Variants in HCRTR2 observed in about 807,000 individuals in gnomAD.
The protein encoded by HCRTR2 is orexin receptor type 2.
In HCRTR2, 22 loss-of-function variants were observed where a neutral mutation model predicts 49.0. The ratio of observed to expected loss-of-function variants is 0.45; its 90% CI spans 0.32 to 0.64. The LOEUF (loss-of-function observed/expected upper bound fraction) is 0.64, where lower values mean the gene tolerates loss of function less well. HCRTR2 is among the 30% of genes least tolerant of loss of function. The pLI is 0.04. For synonymous variants in HCRTR2, 236 were observed against 205.3 expected (o/e 1.15, Z -1.28); for missense variants, 491 against 559.4 (o/e 0.88, Z 1.23).
upstream of HCRTR2, among the ~76,000 whole-genome samples, chr6:55,172,366 A>G (rs1158211533): frequency 6.6e-6 from 1 of 151,604 alleles, no homozygotes; most frequent in Non-Finnish European, 1.5e-5. Flanking sequence ...CGTTTTCCCT[A>G]TGTATTTGTT....
chr6:55,107,658 ATGTT>A (rs143718883), intron 1 of HCRTR2, among the ~76,000 whole-genome samples: 6,555 of 152,212 alleles, frequency 0.043, 161 homozygotes, highest in Non-Finnish European at 0.045. Context: ...GTTTCACAAA[ATGTT>A]TGACTTGCTT....
intron 1 of HCRTR2, among the ~76,000 whole-genome samples, chr6:55,145,237 T>C (rs1256232227): frequency 6.6e-6 from 1 of 152,148 alleles, no homozygotes; most frequent in African/African-American, 2.4e-5. Flanking sequence ...ACTGGTTTCA[T>C]TTTCACCTTA....
chr6:55,279,491 A>C (rs900686782), intron 5 of HCRTR2, among the ~76,000 whole-genome samples: 1 of 148,946 alleles, frequency 6.7e-6, no homozygotes, highest in Admixed American at 6.8e-5. Context: ...TTATACCAGA[A>C]ATGCATTGTT....
At chr6:55,171,920 G>T (rs1195473781), upstream of HCRTR2, among the ~76,000 whole-genome samples, 3 of 152,272 alleles carry the variant, frequency 2.0e-5, no homozygotes, top group African/African-American at 4.8e-5. Context: ...CAAGGAATTT[G>T]CAGATGTTAA....
intron 1 of HCRTR2, among the ~76,000 whole-genome samples, chr6:55,243,929 T>C (rs1766382385): frequency 6.6e-6 from 1 of 152,058 alleles, no homozygotes; most frequent in Admixed American, 6.6e-5. Flanking sequence ...AAGCAGAAAG[T>C]TTTTTATTTT....
chr6:55,161,371 C>T (rs528262987), intron 1 of HCRTR2, among the ~76,000 whole-genome samples: 22 of 151,960 alleles, frequency 1.4e-4, no homozygotes, highest in Admixed American at 3.3e-4. Context: ...AATGCCCACA[C>T]GAGAAAGTGG....
At chr6:55,200,187 GT>G (rs557148444) in intron 1 of HCRTR2, among the ~76,000 whole-genome samples, 50 of 133,304 alleles carry the variant, frequency 3.8e-4, no homozygotes, top group East Asian at 8.9e-4. Flanking sequence ...TTAAAATGTC[GT>G]TTTTTTTTCA....
At chr6:55,176,215 T>C (rs1765037481) in intron 1 of HCRTR2, among the ~76,000 whole-genome samples, 1 of 152,216 alleles carries the variant, frequency 6.6e-6, no homozygotes, top group Non-Finnish European at 1.5e-5. Flanking sequence ...GTTGGTAGAA[T>C]GTTATTTGAG....
chr6:55,208,233 G>A (rs905708915), intron 1 of HCRTR2, among the ~76,000 whole-genome samples: 19 of 151,896 alleles, frequency 1.3e-4, no homozygotes, highest in Admixed American at 1.2e-3. Flanking sequence ...CCAGCACTTC[G>A]GGAGGCAGAG....
chr6:55,178,757 A>G (rs1765083050), intron 1 of HCRTR2, among the ~76,000 whole-genome samples: 2 of 152,156 alleles, frequency 1.3e-5, no homozygotes, highest in South Asian at 4.1e-4. Flanking sequence ...CCACCCACCC[A>G]TCTCCTTCAT....
intron 1 of HCRTR2, among the ~76,000 whole-genome samples, chr6:55,116,023 C>A (rs937483151): frequency 6.6e-6 from 1 of 151,540 alleles, no homozygotes; most frequent in South Asian, 2.1e-4. Context: ...TTTCTTGTAG[C>A]CTCATGGGAT....
In HCRTR2 at chr6:55,258,356, T is replaced by C. The variant is rs555982587; in HGVS notation, c.646+2977T>C. 3.7e-4 allele frequency among the ~76,000 whole-genome samples: 57 copies of C among 152,268 alleles called. No individual in the cohort carries two copies. In the South Asian group the frequency reaches 4.3e-3, roughly 12 times the overall value. The stretch of plus-strand genomic sequence containing the variant: ...TGGAAAAAAATTTGGAAAAGCAATT[T>C]GGTCAGTTGATACATATCTATCAAA... On this transcript the variant is annotated intron_variant, in intron 3 of 6. Coordinates refer to ENST00000370862, the MANE Select transcript of HCRTR2 (RefSeq NM_001384272.1).
At chr6:55,124,298 G>A (rs1005520828) in intron 1 of HCRTR2, among the ~76,000 whole-genome samples, 7 of 152,246 alleles carry the variant, frequency 4.6e-5, no homozygotes, top group African/African-American at 1.7e-4. Context: ...GTGTCACAGA[G>A]ATTCTGGTAT....
intron 1 of HCRTR2, among the ~76,000 whole-genome samples, chr6:55,165,245 TA>T (rs1411534078): frequency 1.3e-5 from 2 of 151,238 alleles, no homozygotes; most frequent in African/African-American, 4.9e-5. Flanking sequence ...GAGAGTGGGA[TA>T]GGGGTAGAAA....
intron 1 of HCRTR2, among the ~76,000 whole-genome samples, chr6:55,155,635 T>C (rs753215031): frequency 4.3e-4 from 65 of 152,170 alleles, no homozygotes; most frequent in Non-Finnish European, 8.1e-4. Flanking sequence ...CTATTCATCA[T>C]AGAGGTTTGT....
chr6:55,206,661 C>A (rs527354834), intron 1 of HCRTR2, among the ~76,000 whole-genome samples: 6 of 151,922 alleles, frequency 3.9e-5, no homozygotes, highest in African/African-American at 1.4e-4. Flanking sequence ...ATGTTCTTAG[C>A]TCATTGTAAC....
chr6:55,244,745 C>T (rs1320667095), intron 1 of HCRTR2, among the ~76,000 whole-genome samples: 1 of 151,846 alleles, frequency 6.6e-6, no homozygotes, highest in East Asian at 1.9e-4. Context: ...CTGAATAGTC[C>T]ATTTAAAGAC....
At chr6:55,145,007 T>C (rs2127254929) in intron 1 of HCRTR2, among the ~76,000 whole-genome samples, 1 of 152,290 alleles carries the variant, frequency 6.6e-6, no homozygotes, top group Middle Eastern at 3.4e-3. Context: ...TCCATTAGCA[T>C]ATAACCCCAG....
intron 1 of HCRTR2, among the ~76,000 whole-genome samples, chr6:55,121,617 T>G (rs919421452): frequency 6.6e-6 from 1 of 152,190 alleles, no homozygotes; most frequent in Non-Finnish European, 1.5e-5. Context: ...TAGCTCTTAT[T>G]ATTTTGAGAT....
Sources: gnomAD v4.1 joint callset for allele counts (sites outside exome capture counted in the v4.1 genomes callset) on GRCh38, gnomAD v4.1.1 for gene constraint, MANE v1.5 for transcripts, NCBI Gene and HGNC (gene_info 2026-07-23, HGNC 2026-07-21) for gene names.